PRMT8: variants seen among roughly 807,000 people sequenced by gnomAD.
PRMT8 encodes the protein protein arginine methyltransferase 8.
Under a neutral mutation model 47.1 loss-of-function variants are expected in PRMT8, and 7 were observed. The observed-to-expected ratio is 0.15, with a 90% confidence interval of 0.08 to 0.28. PRMT8 has a LOEUF of 0.28. Ranked by LOEUF, PRMT8 falls within the 10% of genes least tolerant of loss-of-function variation. The pLI is 1.00. For missense variants in PRMT8, 237 were observed against 505.4 expected (o/e 0.47, Z 5.09); for synonymous variants, 188 against 186.5 (o/e 1.01, Z -0.07).
intron 1 of PRMT8, among the ~76,000 whole-genome samples, chr12:3,515,121 C>T (rs1865770002): frequency 6.6e-6 from 1 of 152,162 alleles, no homozygotes; most frequent in African/African-American, 2.4e-5. Flanking sequence ...AGTAAATTTC[C>T]CAGGATAACA....
chr12:3,387,221 T>C (rs1864149587), intron 1 of PRMT8, among the ~76,000 whole-genome samples: 1 of 152,162 alleles, frequency 6.6e-6, no homozygotes, highest in Non-Finnish European at 1.5e-5. Context: ...TTAAGCTTCA[T>C]AGAACATTTA....
At position 3,512,431 on chromosome 12, in the gene PRMT8, A is replaced by G. The variant is rs1031142236; in HGVS notation, c.75+20731A>G. On this transcript the variant is annotated intron_variant, in intron 1 of 9. Coordinates refer to ENST00000382622, the MANE Select transcript of PRMT8 (RefSeq NM_019854.5). Reference sequence around the variant, plus strand: ...AGGCACTTTAAATTCAACATGACCCAAACTGAGTTCCTCACCTTTCCTTCC... The same window carrying G: ...AGGCACTTTAAATTCAACATGACCCGAACTGAGTTCCTCACCTTTCCTTCC... Among the ~76,000 whole-genome samples, 8 of 152,038 alleles carry G rather than the reference A, an allele frequency of 5.3e-5. No homozygotes were observed. The South Asian group carries it at 8.3e-4, about 16-fold the overall frequency.
At chr12:3,518,315 C>T (rs1314286099) in intron 1 of PRMT8, among the ~76,000 whole-genome samples, 2 of 151,848 alleles carry the variant, frequency 1.3e-5, no homozygotes, top group Non-Finnish European at 2.9e-5. Flanking sequence ...ATCTAATGTG[C>T]GCCCTCCTAG....
intron 6 of PRMT8, among the ~76,000 whole-genome samples, chr12:3,573,221 G>A (rs751548819): frequency 4.0e-5 from 6 of 151,626 alleles, no homozygotes; most frequent in East Asian, 3.9e-4. Flanking sequence ...TTATTGCCCC[G>A]TTTTCAACTT....
chr12:3,404,556 G>A (rs79829532), intron 1 of PRMT8, among the ~76,000 whole-genome samples: 246 of 152,080 alleles, frequency 1.6e-3, no homozygotes, highest in African/African-American at 4.5e-3. Flanking sequence ...TCCTTTTCCC[G>A]TACAAAAGTA....
rs1267333921 is a variant in PRMT8 at position 3,570,646 on chromosome 12, C to T, written c.712+1082C>T. ...TGGATTTAAACAATTGCCATCTAATCGTCGTTAGTGGCACTGATGAAAACT... is the reference window on the plus strand; with the variant it reads ...TGGATTTAAACAATTGCCATCTAATTGTCGTTAGTGGCACTGATGAAAACT... On this transcript the variant is annotated intron_variant, in intron 6 of 9. Transcript: ENST00000382622. This position sits in a 1 kb window ranked among gnomAD's most constrained non-coding sequence, Gnocchi z 5.5. Among the ~76,000 whole-genome samples the T allele has an allele frequency of 4.6e-5, 7 of 152,188 alleles. No homozygotes were observed. Among genetic ancestry groups the T allele is most frequent in the South Asian group, 2.1e-4 (1 of 4,820 alleles).
chr12:3,523,019 C>T lies in PRMT8; in HGVS notation c.76-17587C>T, dbSNP rs1865903793. ...ATGGAGCCTGATAGAAAAAAAAAAT[C>T]CCATCAAACTAATAGTCAGCAGAAT... is the stretch of plus-strand genomic sequence containing the variant. On this transcript the variant is annotated intron_variant, in intron 1 of 9. Transcript: ENST00000382622. Among the ~76,000 whole-genome samples, 7 of 151,718 alleles carry T rather than the reference C, an allele frequency of 4.6e-5. No homozygotes were observed. The South Asian group carries it at 1.5e-3, about 32-fold the overall frequency.
intron 1 of PRMT8, among the ~76,000 whole-genome samples, chr12:3,438,410 A>G (rs1258290672): frequency 6.6e-6 from 1 of 152,216 alleles, no homozygotes; most frequent in African/African-American, 2.4e-5. Context: ...CAGCCTTGAC[A>G]GCTTGCTGCC....
intron 1 of PRMT8, among the ~76,000 whole-genome samples, chr12:3,528,310 C>G (rs1237841201): frequency 6.6e-6 from 1 of 152,002 alleles, no homozygotes; most frequent in African/African-American, 2.4e-5. Context: ...GTGAAGTTGT[C>G]CCACAGCTCA....
intron 4 of PRMT8, among the ~76,000 whole-genome samples, chr12:3,562,117 C>T (rs192301838): frequency 4.6e-5 from 7 of 152,256 alleles, no homozygotes; most frequent in Middle Eastern, 3.4e-3. Context: ...CAACAGCATC[C>T]GGTGGGCACT....
intron 1 of PRMT8, among the ~76,000 whole-genome samples, chr12:3,428,303 C>T (rs1456327806): frequency 6.6e-6 from 1 of 151,288 alleles, no homozygotes; most frequent in Admixed American, 6.6e-5. Flanking sequence ...AGTTAGTAAG[C>T]TACCTTTTGT....
intron 1 of PRMT8, among the ~76,000 whole-genome samples, chr12:3,417,484 G>A (rs1864495518): frequency 6.6e-6 from 1 of 152,236 alleles, no homozygotes; most frequent in Non-Finnish European, 1.5e-5. Flanking sequence ...CGTGGGTTTT[G>A]GAAGTAGCTT....
chr12:3,404,940 C>G (rs981134364), intron 1 of PRMT8, among the ~76,000 whole-genome samples: 4 of 152,028 alleles, frequency 2.6e-5, no homozygotes, highest in African/African-American at 9.7e-5. Flanking sequence ...CTATTTTTTC[C>G]CTCTATTAGG....
chr12:3,471,523 G>A (rs1865162266), intron 1 of PRMT8, among the ~76,000 whole-genome samples: 1 of 151,930 alleles, frequency 6.6e-6, no homozygotes, highest in Admixed American at 6.5e-5. Context: ...GGATCTGGTT[G>A]TCTCCCCATC....
chr12:3,520,499 G>A (rs1024663018), intron 1 of PRMT8, among the ~76,000 whole-genome samples: 13 of 152,164 alleles, frequency 8.5e-5, no homozygotes, highest in African/African-American at 2.4e-4. Flanking sequence ...CTTATAAAAA[G>A]GAGAGGAGAA....
chr12:3,567,343 C>T (rs1172894789), intron 4 of PRMT8, among the ~76,000 whole-genome samples: 1 of 152,234 alleles, frequency 6.6e-6, no homozygotes, highest in Non-Finnish European at 1.5e-5. Flanking sequence ...AGATCTGGCA[C>T]TTAAACCTAG....
intron 4 of PRMT8, among the ~76,000 whole-genome samples, chr12:3,565,100 A>G (rs1397249954): frequency 6.6e-6 from 1 of 152,238 alleles, no homozygotes; most frequent in East Asian, 1.9e-4. Context: ...GTTGAAAATG[A>G]CAGTCAAACT....
intron 2 of PRMT8, among the ~76,000 whole-genome samples, chr12:3,544,659 A>G (rs1030962413): frequency 1.3e-5 from 2 of 152,114 alleles, no homozygotes; most frequent in African/African-American, 4.8e-5. Flanking sequence ...GGATATTAAG[A>G]TGTTCCCGTG....
intron 1 of PRMT8, among the ~76,000 whole-genome samples, chr12:3,395,125 GCGGTCTATCAA>G (rs1273529345): frequency 3.4e-5 from 5 of 149,250 alleles, no homozygotes; most frequent in Non-Finnish European, 7.5e-5. Context: ...AGTCTTGCTA[GCGGTCTATCAA>G]TTTTGTTGAT....
Sources: allele counts gnomAD v4.1 joint callset (sites outside exome capture counted in the v4.1 genomes callset), GRCh38; gene constraint gnomAD v4.1.1; non-coding constraint Gnocchi (gnomAD v3.1); transcripts MANE v1.5; gene names NCBI Gene and HGNC (gene_info 2026-07-23, HGNC 2026-07-21).